Variants in CNTN3 observed in about 807,000 individuals in gnomAD.
CNTN3 encodes contactin-3.
Under a neutral mutation model 119.1 loss-of-function variants are expected in CNTN3, and 60 were observed. That is an observed-to-expected ratio of 0.50 (90% CI 0.41 to 0.62). The LOEUF (loss-of-function observed/expected upper bound fraction) is 0.62. CNTN3 is among the 20% of genes least tolerant of loss of function. The pLI is 0.00. For synonymous variants in CNTN3, 450 were observed against 438.7 expected, an observed-to-expected ratio of 1.03 and a Z score of -0.32; for missense variants, 1,101 against 1,242.4, an observed-to-expected ratio of 0.89 and a Z score of 1.71.
chr3:74,431,685 A>T (rs1701785824), intron 4 of CNTN3, among the ~76,000 whole-genome samples: 1 of 152,250 alleles, frequency 6.6e-6, no homozygotes, highest in Non-Finnish European at 1.5e-5. Context: ...AATATTAAAA[A>T]AGATGTCAAT....
chr3:74,512,911 T>C (rs892102872), intron 2 of CNTN3, among the ~76,000 whole-genome samples: 1 of 29,730 alleles, frequency 3.4e-5, no homozygotes, highest in Non-Finnish European at 1.1e-4. Flanking sequence ...TAAATATCGC[T>C]TGCAAGTGTG....
intron 20 of CNTN3, among the ~76,000 whole-genome samples, chr3:74,277,041 G>C (rs1041714987): frequency 6.6e-6 from 1 of 151,968 alleles, no homozygotes; most frequent in Non-Finnish European, 1.5e-5. Flanking sequence ...AGAAGGGATG[G>C]GTAAATTCCT....
intron 1 of CNTN3, among the ~76,000 whole-genome samples, chr3:74,559,707 G>GA (rs1425068252): frequency 6.6e-6 from 1 of 151,918 alleles, no homozygotes; most frequent in Non-Finnish European, 1.5e-5. Flanking sequence ...TGACTTCTTA[G>GA]AAAAAATGAA....
At chr3:74,471,133 A>G (rs1345485929) in intron 4 of CNTN3, among the ~76,000 whole-genome samples, 1 of 151,984 alleles carries the variant, frequency 6.6e-6, no homozygotes, top group African/African-American at 2.4e-5. Context: ...CCTCAGCGGG[A>G]TCCCAAAGTG....
At chr3:74,587,829 A>G (rs1704621992) in intron 1 of CNTN3, among the ~76,000 whole-genome samples, 1 of 152,092 alleles carries the variant, frequency 6.6e-6, no homozygotes, top group African/African-American at 2.4e-5. Flanking sequence ...TTCCAACACT[A>G]TGTTGAATAG....
chr3:74,523,442 GA>G (rs1202752732), intron 1 of CNTN3, among the ~76,000 whole-genome samples: 5 of 151,836 alleles, frequency 3.3e-5, no homozygotes, highest in Non-Finnish European at 5.9e-5. Context: ...GAGAAGCTAG[GA>G]AATGATAGTA....
intron 13 of CNTN3, among the ~76,000 whole-genome samples, chr3:74,331,767 T>C (rs916385345): frequency 1.7e-4 from 26 of 152,216 alleles, no homozygotes; most frequent in African/African-American, 6.0e-4. Context: ...TCCTTTGTGA[T>C]GTGCCAATTT....
At chr3:74,533,580 G>A (rs558135991) in intron 1 of CNTN3, among the ~76,000 whole-genome samples, 1 of 151,758 alleles carries the variant, frequency 6.6e-6, no homozygotes, top group Non-Finnish European at 1.5e-5. Flanking sequence ...AAATAACTGA[G>A]GTAGAAAAAC....
Position 74,285,372 on chromosome 3 carries a change from G to T in CNTN3, c.2637C>A (p.Val879=), listed in dbSNP as rs1434846454. The T allele has an allele frequency of 6.2e-7, 1 of 1,613,424 alleles. No homozygotes were observed. The highest frequency in any genetic ancestry group is 8.5e-7 in the Non-Finnish European group (1 of 1,179,752). Reference sequence around the variant, plus strand: ...CAGCGCCGGCACTGTTGTAAGCCCGGACAGCCGTGTAATAGGCCAGGTTGC... The same window carrying T: ...CAGCGCCGGCACTGTTGTAAGCCCGTACAGCCGTGTAATAGGCCAGGTTGC... The part of the protein sequence containing the change: ...LKSNLAYYTA[V]RAYNSAGAGP... The change falls in exon 20 of 23, where the codon GTC becomes GTA. Residue 879 remains valine (V), a synonymous_variant. Transcript: ENST00000263665.
At chr3:74,377,879 A>C (rs1443798503) in intron 5 of CNTN3, among the ~76,000 whole-genome samples, 1 of 152,342 alleles carries the variant, frequency 6.6e-6, no homozygotes, top group African/African-American at 2.4e-5. Context: ...CTGGAGATAC[A>C]CTAATACATA....
chr3:74,389,829 A>G (rs1331845816), intron 5 of CNTN3, among the ~76,000 whole-genome samples: 25 of 152,138 alleles, frequency 1.6e-4, no homozygotes, highest in African/African-American at 2.4e-5. Context: ...TCCAAGCTCT[A>G]TTCCATATGC....
rs972580032 is a variant in CNTN3 at position 74,263,620 on chromosome 3, T to C, written c.*781A>G. On this transcript the variant is annotated 3_prime_UTR_variant, in exon 23 of 23. Coordinates refer to ENST00000263665, the MANE Select transcript of CNTN3 (RefSeq NM_020872.3). ...ATGAAGCTTGAAAATCTGGCTGGTC[T>C]TCATGACTTTTATGTGATTAAATAA... 6.6e-6 allele frequency: 1 copy of C among 152,108 alleles called. No individual in the cohort carries two copies. The highest frequency in any genetic ancestry group is 2.4e-5 in the African/African-American group (1 of 41,436). 9.4% of individuals were successfully genotyped at this position (152,108 alleles called of 1,614,324 possible).
intron 1 of CNTN3, among the ~76,000 whole-genome samples, chr3:74,569,400 C>G (rs1341296460): frequency 1.3e-5 from 2 of 152,244 alleles, no homozygotes; most frequent in Non-Finnish European, 2.9e-5. Context: ...GAAGCTGTAT[C>G]TCTCTTGCTA....
At chr3:74,280,303 T>C (rs1046000573) in intron 20 of CNTN3, among the ~76,000 whole-genome samples, 5 of 152,214 alleles carry the variant, frequency 3.3e-5, no homozygotes, top group African/African-American at 1.2e-4. Context: ...AGTGATTGTA[T>C]CATTTGGCAT....
chr3:74,376,412 G>A (rs1704476670), intron 5 of CNTN3, among the ~76,000 whole-genome samples: 1 of 152,116 alleles, frequency 6.6e-6, no homozygotes, highest in Non-Finnish European at 1.5e-5. Flanking sequence ...ATCAGCAGCA[G>A]CATTAGATTC....
chr3:74,271,423 C>T (rs1250410355), intron 20 of CNTN3, among the ~76,000 whole-genome samples: 1 of 151,966 alleles, frequency 6.6e-6, no homozygotes, highest in Non-Finnish European at 1.5e-5. Context: ...GACTTTTTCC[C>T]CCAAATTTTC....
intron 1 of CNTN3, among the ~76,000 whole-genome samples, chr3:74,577,094 C>T (rs1704430469): frequency 6.6e-6 from 1 of 152,082 alleles, no homozygotes; most frequent in Admixed American, 6.5e-5. Flanking sequence ...CATACCTCTC[C>T]CTAGAGAAGA....
At chr3:74,552,281 G>C (rs991097334) in intron 1 of CNTN3, among the ~76,000 whole-genome samples, 1 of 152,136 alleles carries the variant, frequency 6.6e-6, no homozygotes, top group African/African-American at 2.4e-5. Context: ...TTTTCGTGTG[G>C]ACATAAGTTC....
At chr3:74,555,498 C>G (rs1335993889) in intron 1 of CNTN3, among the ~76,000 whole-genome samples, 1 of 152,160 alleles carries the variant, frequency 6.6e-6, no homozygotes, top group African/African-American at 2.4e-5. Context: ...GTACCAGCTC[C>G]TCTTTGTACC....
Sources: allele counts gnomAD v4.1 joint callset (sites outside exome capture counted in the v4.1 genomes callset), GRCh38; gene constraint gnomAD v4.1.1; transcripts MANE v1.5; gene names NCBI Gene and HGNC (gene_info 2026-07-23, HGNC 2026-07-21).